The following NCOA4 variants were observed in gnomAD, a reference collection of about 807,000 sequenced individuals.
NCOA4 encodes 70 kDa AR-activator.
In NCOA4, 31 loss-of-function variants were observed where a neutral mutation model predicts 69.5. That is an observed-to-expected ratio of 0.45 (90% CI 0.34 to 0.60). The LOEUF is 0.60. Among genes scored for constraint, NCOA4 ranks in the 20% least tolerant of loss-of-function variants. The pLI is 0.02. For missense variants in NCOA4, 600 were observed against 719.2 expected (o/e 0.83, Z 1.90); for synonymous variants, 228 against 252.4 (o/e 0.90, Z 0.92).
At chr10:46,024,389 A>G (rs1350291404) in intron 1 of NCOA4, among the ~76,000 whole-genome samples, 1 of 152,182 alleles carries the variant, frequency 6.6e-6, no homozygotes, top group African/African-American at 2.4e-5. Flanking sequence ...ATGTAAATAC[A>G]AAGAAACTTT....
intron 2 of NCOA4, 58 bp from the exon 3 acceptor site, chr10:46,015,324 AAAG>A: frequency 6.2e-6 from 8 of 1,287,290 alleles, no homozygotes; most frequent in Non-Finnish European, 8.3e-6. Flanking sequence ...GATGTTTCCC[AAAG>A]AATAGTGAGT....
At position 46,010,341 on chromosome 10, in the gene NCOA4, A is replaced by T; in HGVS notation, c.1580T>A (p.Met527Lys). 1 of 1,614,156 alleles carries T rather than the reference A, an allele frequency of 6.2e-7. No individual in the cohort carries two copies. The highest frequency in any genetic ancestry group is 1.1e-5 in the South Asian group (1 of 91,088). Residue 527 changes from methionine (M) to lysine (K), a missense_variant, in exon 8 of 10, where the codon ATG becomes AAG. By Grantham distance (95) the Met-to-Lys change is moderately conservative. Transcript: ENST00000581486. ...GTTAAAGGAACACCAGGAAGTATTC[A>T]TGGGGCTTTTAAACTTCTGTTTGCC... Reference protein sequence around the residue: ...RAGKQKFKSPMNTSWCSFNTA... With the variant: ...RAGKQKFKSPKNTSWCSFNTA...
At chr10:46,018,960 C>T (rs1468005441) in intron 1 of NCOA4, among the ~76,000 whole-genome samples, 1 of 152,084 alleles carries the variant, frequency 6.6e-6, no homozygotes, top group Non-Finnish European at 1.5e-5. Flanking sequence ...TGAGTTCTTC[C>T]CTCAGAAATA....
chr10:46,011,861 T>A (rs1034524515), intron 7 of NCOA4, among the ~76,000 whole-genome samples: 2 of 151,192 alleles, frequency 1.3e-5, no homozygotes, highest in Middle Eastern at 3.4e-3. Flanking sequence ...CCATCCTGGC[T>A]AACACGGGTG....
At chr10:46,017,364 T>C (rs1382193448) in intron 1 of NCOA4, among the ~76,000 whole-genome samples, 1 of 151,982 alleles carries the variant, frequency 6.6e-6, no homozygotes, top group Non-Finnish European at 1.5e-5. Context: ...CTGGGCAAAA[T>C]AGCCAGACCC....
chr10:46,012,785 C>A (rs2132330945), intron 7 of NCOA4, 98 bp downstream of exon 7: 1 of 1,263,094 alleles, frequency 7.9e-7, no homozygotes, highest in Non-Finnish European at 1.0e-6. Flanking sequence ...TTCCAGACTG[C>A]AACCAAAAAG....
chr10:46,010,931 G>A lies in NCOA4; in HGVS notation c.990C>T (p.Leu330=), dbSNP rs782474229. The A allele has an allele frequency of 6.2e-7, 1 of 1,613,964 alleles. No individual in the cohort carries two copies. The highest frequency in any genetic ancestry group is 1.3e-5 in the African/African-American group (1 of 75,030). ...GSRETSEKFK[L]LFQSYNVNDW... ...CATTCACATTATAGGACTGGAATAA[G>A]AGCTTAAACTTCTCACTGGTTTCAC... Residue 330 remains leucine, a synonymous_variant, in exon 8 of 10, where the codon CTC becomes CTT. Coordinates refer to ENST00000581486, the MANE Select transcript of NCOA4 (RefSeq NM_001145263.2).
chr10:46,016,503 G>A lies in NCOA4; in HGVS notation c.141+37C>T, dbSNP rs782281826. Reference sequence around the variant, plus strand: ...CATGCTCAAATCAGCCCTGTGTCAAGAGTCCAGACAACAGAAGAGAAAAGC... The same window carrying A: ...CATGCTCAAATCAGCCCTGTGTCAAAAGTCCAGACAACAGAAGAGAAAAGC... On this transcript the variant is annotated intron_variant, in intron 2 of 9. Transcript: ENST00000581486. 6 of 1,393,052 alleles carry A rather than the reference G, an allele frequency of 4.3e-6. No homozygotes were observed. In the South Asian group the frequency reaches 7.8e-5, roughly 18 times the overall value. 86.3% of individuals were successfully genotyped at this position (1,393,052 alleles called of 1,614,324 possible). A position where few individuals can be genotyped will look rare whatever the true frequency, so the allele number is the denominator to read the frequency against.
chr10:46,017,905 G>A (rs1449942659), intron 1 of NCOA4, among the ~76,000 whole-genome samples: 1 of 152,154 alleles, frequency 6.6e-6, no homozygotes, highest in Non-Finnish European at 1.5e-5. Flanking sequence ...GTGATTACTA[G>A]AGCTCAGAAT....
At chr10:46,012,256 A>G (rs1436083056) in intron 7 of NCOA4, among the ~76,000 whole-genome samples, 1 of 152,144 alleles carries the variant, frequency 6.6e-6, no homozygotes, top group Non-Finnish European at 1.5e-5. Context: ...TGGTGAGACT[A>G]TAAACTGTTG....
chr10:46,006,727 A>G, intron 9 of NCOA4, 130 bp from the exon 10 acceptor site: 2 of 869,878 alleles, frequency 2.3e-6, no homozygotes, highest in South Asian at 1.5e-5. Context: ...TTACAAATTA[A>G]GCATTTGTGT....
chr10:46,016,800 C>T lies in NCOA4; in HGVS notation c.-14-106G>A, dbSNP rs1348557868. 3 of 722,476 alleles carry T rather than the reference C, an allele frequency of 4.2e-6. No individual in the cohort carries two copies. In the African/African-American group the frequency reaches 5.5e-5, roughly 13 times the overall value. 44.8% of individuals were successfully genotyped at this position (722,476 alleles called of 1,614,324 possible). ...TCCAGCCAACTCCCATTACTAACTA[C>T]TTAGATTACTTTCCAACACCAAACC... On this transcript the variant is annotated intron_variant, in intron 1 of 9. Coordinates refer to ENST00000581486, the MANE Select transcript of NCOA4 (RefSeq NM_001145263.2).
chr10:46,022,115 G>A (rs1839905173), intron 1 of NCOA4, among the ~76,000 whole-genome samples: 1 of 152,116 alleles, frequency 6.6e-6, no homozygotes, highest in African/African-American at 2.4e-5. Context: ...TGAAAGCTCA[G>A]ACTAGATCAT....
chr10:46,028,540 A>T (rs1184371406), intron 1 of NCOA4, among the ~76,000 whole-genome samples: 3 of 130,666 alleles, frequency 2.3e-5, no homozygotes, highest in South Asian at 4.7e-4. Context: ...ACCATTAATT[A>T]AAAAAAAAAA....
At chr10:46,023,477 C>G (rs1840007322) in intron 1 of NCOA4, 2 of 985,476 alleles carry the variant, frequency 2.0e-6, no homozygotes, top group East Asian at 1.1e-4. Context: ...CACTAGCGAG[C>G]TGGAGCGCTC....
At position 46,023,444 on chromosome 10, in the gene NCOA4, C is replaced by T. The variant is rs989123864; in HGVS notation, c.-14-6750G>A. 1.0e-4 allele frequency: 99 copies of T among 985,726 alleles called. No individual in the cohort carries two copies. The African/African-American group carries it at 1.6e-3, about 16-fold the overall frequency. The allele number at this position is 985,726 out of a possible 1,614,324, so 61.1% of individuals were successfully genotyped here. On this transcript the variant is annotated intron_variant, in intron 1 of 9. Transcript: ENST00000581486. Reference sequence around the variant, plus strand: ...GGCCTCGTCCCGCCCACGCGTCACACGGCAACTCCAGTTCGCCCGGGCCAC... The same window carrying T: ...GGCCTCGTCCCGCCCACGCGTCACATGGCAACTCCAGTTCGCCCGGGCCAC...
intron 5 of NCOA4, 54 bp from the exon 6 acceptor site, chr10:46,013,693 T>C: frequency 2.3e-6 from 3 of 1,298,332 alleles, no homozygotes; most frequent in Non-Finnish European, 3.3e-6. Context: ...GCCAAAAAAG[T>C]GAAATTATAA....
In NCOA4 at chr10:46,014,297, G is replaced by A. The variant is rs188725784; in HGVS notation, c.480+147C>T. 118 of 617,114 alleles carry A rather than the reference G, an allele frequency of 1.9e-4. No individual in the cohort carries two copies. In the East Asian group the frequency reaches 2.1e-3, roughly 11 times the overall value. 38.2% of individuals were successfully genotyped at this position (617,114 alleles called of 1,614,324 possible). ...CTCCCAAAGTGCTAGGATTACAGGC[G>A]TGAGCCACCACGCCCAGCTGAGAAC... On this transcript the variant is annotated intron_variant, in intron 5 of 9. Transcript: ENST00000581486.
intron 3 of NCOA4, 39 bp from the exon 4 acceptor site, chr10:46,014,981 A>G: frequency 6.3e-7 from 1 of 1,595,826 alleles, no homozygotes; most frequent in Non-Finnish European, 8.6e-7. Flanking sequence ...CAATGACACC[A>G]AAAGCACCAG....
Sources: gnomAD v4.1 joint callset for allele counts (sites outside exome capture counted in the v4.1 genomes callset) on GRCh38, gnomAD v4.1.1 for gene constraint, MANE v1.5 for transcripts, NCBI Gene and HGNC (gene_info 2026-07-23, HGNC 2026-07-21) for gene names.